Variants in DPH6 observed in about 807,000 individuals in gnomAD.
DPH6 encodes diphthine--ammonia ligase.
A neutral mutation model predicts 38.2 loss-of-function variants in DPH6; 33 were observed. The ratio of observed to expected loss-of-function variants is 0.86; its 90% CI spans 0.65 to 1.15. DPH6 has a LOEUF of 1.15. DPH6 is among the 50% of genes most tolerant of loss of function. The pLI, the probability that DPH6 is intolerant of heterozygous loss-of-function variation, is 0.00. For missense variants in DPH6, 325 were observed against 320.0 expected (o/e 1.02, Z -0.12); for synonymous variants, 108 against 103.0 (o/e 1.05, Z -0.30).
chr15:35,324,025 T>C (rs758413398), intron 3 of DPH6, among the ~76,000 whole-genome samples: 1 of 152,166 alleles, frequency 6.6e-6, no homozygotes, highest in African/African-American at 2.4e-5. Flanking sequence ...TCAAAGCCAG[T>C]GTGCTTGAGC....
chr15:35,287,592 A>C (rs778355315), intron 3 of DPH6, among the ~76,000 whole-genome samples: 1 of 152,178 alleles, frequency 6.6e-6, no homozygotes, highest in African/African-American at 2.4e-5. Flanking sequence ...ACCTAATTCT[A>C]CAATTATAAC....
At chr15:35,296,804 CT>C (rs772132282) in intron 3 of DPH6, among the ~76,000 whole-genome samples, 38 of 127,236 alleles carry the variant, frequency 3.0e-4, no homozygotes, top group East Asian at 3.1e-4. Context: ...GGCCTGGCTT[CT>C]TTTTTTTTTT....
chr15:35,153,688 A>T, the DPH6 span, among the ~76,000 whole-genome samples: 1 of 152,198 alleles, frequency 6.6e-6, no homozygotes, highest in African/African-American at 2.4e-5. Context: ...AAAAATCTGC[A>T]GAGTCCTAAA....
At chr15:35,416,149 A>C (rs2053433167) in intron 5 of DPH6, among the ~76,000 whole-genome samples, 1 of 151,980 alleles carries the variant, frequency 6.6e-6, no homozygotes, top group African/African-American at 2.4e-5. Flanking sequence ...AGCTGGAAAA[A>C]AATCAAAAAA....
intron 3 of DPH6, chr15:35,299,368 T>C: frequency 3.2e-6 from 3 of 939,066 alleles, no homozygotes; most frequent in South Asian, 2.6e-5. Context: ...AAGCTGAGAC[T>C]GTAGAAGTTT....
At chr15:35,478,821 T>C (rs1421848183) in intron 3 of DPH6, among the ~76,000 whole-genome samples, 1 of 152,012 alleles carries the variant, frequency 6.6e-6, no homozygotes, top group Non-Finnish European at 1.5e-5. Flanking sequence ...GCTCCTACAA[T>C]TATTAGATAG....
chr15:35,489,651 C>A (rs970722924), intron 3 of DPH6: 27 of 978,772 alleles, frequency 2.8e-5, no homozygotes, highest in Non-Finnish European at 3.2e-5. Flanking sequence ...TAAAAAAATA[C>A]CCTAAGGCAT....
At chr15:35,498,653 C>T (rs552386459) in intron 3 of DPH6, among the ~76,000 whole-genome samples, 1 of 152,196 alleles carries the variant, frequency 6.6e-6, no homozygotes, top group South Asian at 2.1e-4. Context: ...AAATATAATT[C>T]TAAACAACAG....
At chr15:35,403,740 T>G (rs2053253005) in intron 6 of DPH6, among the ~76,000 whole-genome samples, 2 of 152,168 alleles carry the variant, frequency 1.3e-5, no homozygotes, top group South Asian at 2.1e-4. Flanking sequence ...ACTCCTGGAC[T>G]GAAGTGATTC....
intron 3 of DPH6, among the ~76,000 whole-genome samples, chr15:35,334,974 C>T (rs2052357747): frequency 6.6e-6 from 1 of 152,136 alleles, no homozygotes; most frequent in Non-Finnish European, 1.5e-5. Context: ...TGAGAAATTG[C>T]CACACCGTAT....
intron 5 of DPH6, among the ~76,000 whole-genome samples, chr15:35,428,595 T>A (rs989727316): frequency 3.3e-5 from 5 of 152,134 alleles, no homozygotes; most frequent in African/African-American, 9.6e-5. Flanking sequence ...GAGCTCCAAA[T>A]GTTAGAAAGT....
Position 35,323,536 on chromosome 15 carries a change from A to T in DPH6, n.200+49985T>A, listed in dbSNP as rs531826565. Among the ~76,000 whole-genome samples, 25 of 152,294 alleles carry T rather than the reference A, an allele frequency of 1.6e-4. 2 individuals carry two copies. The South Asian group carries it at 5.2e-3, about 32-fold the overall frequency. On this transcript the variant is annotated intron_variant and non_coding_transcript_variant, in intron 3 of 3. Coordinates refer to the DPH6 transcript ENST00000560386. ...CTCCCAAAGTCAGTAGCTTTCCAAA[A>T]CAGTGCAGTTGCCAGCCGACCTCTT... is the stretch of plus-strand genomic sequence containing the variant.
At chr15:35,466,272 C>T (rs1284246275) in intron 3 of DPH6, among the ~76,000 whole-genome samples, 2 of 151,968 alleles carry the variant, frequency 1.3e-5, no homozygotes, top group East Asian at 1.9e-4. Context: ...CTGTGAAATG[C>T]CTAAACAACA....
chr15:35,190,566 A>G, the DPH6 span, among the ~76,000 whole-genome samples: 1 of 152,208 alleles, frequency 6.6e-6, no homozygotes, highest in Non-Finnish European at 1.5e-5. Flanking sequence ...CTTAAGTTCT[A>G]CAACAGTGAT....
At chr15:35,528,581 C>T (rs1031830629) in intron 3 of DPH6, among the ~76,000 whole-genome samples, 1 of 152,152 alleles carries the variant, frequency 6.6e-6, no homozygotes, top group South Asian at 2.1e-4. Context: ...TTTCAGATAC[C>T]TAGTATCTTA....
At chr15:35,388,682 G>A (rs1282832763) in intron 6 of DPH6, among the ~76,000 whole-genome samples, 4 of 152,084 alleles carry the variant, frequency 2.6e-5, no homozygotes, top group African/African-American at 7.2e-5. Context: ...GGGATTGGTG[G>A]TGATATCCCC....
chr15:35,449,002 TAAATCCAAAAAAAGTCCCTTTTTTTTG>T (rs2053894354), intron 5 of DPH6, among the ~76,000 whole-genome samples: 52 of 104,830 alleles, frequency 5.0e-4, no homozygotes, highest in African/African-American at 1.7e-3. Flanking sequence ...TTTTTTTGCT[TAAATCCAAAAAAAGTCCCTTTTTTTTG>T]GCTTAAATCC....
At chr15:35,267,824 A>G (rs1464025775) in intron 3 of DPH6, among the ~76,000 whole-genome samples, 1 of 152,138 alleles carries the variant, frequency 6.6e-6, no homozygotes, top group Non-Finnish European at 1.5e-5. Flanking sequence ...AGTGCTACCA[A>G]TATAACCTAA....
intron 3 of DPH6, chr15:35,522,341 T>C: frequency 6.6e-7 from 1 of 1,524,034 alleles, no homozygotes; most frequent in Non-Finnish European, 8.9e-7. Flanking sequence ...GAAAAAGCCC[T>C]GAGGCTGGAT....
Sources: allele counts gnomAD v4.1 joint callset (sites outside exome capture counted in the v4.1 genomes callset), GRCh38; gene constraint gnomAD v4.1.1; transcripts MANE v1.5; gene names NCBI Gene and HGNC (gene_info 2026-07-23, HGNC 2026-07-21).